Variants in FHOD3 observed in about 807,000 individuals in gnomAD.
FHOD3 encodes FH1/FH2 domain-containing protein 3.
Under a neutral mutation model 173.0 loss-of-function variants are expected in FHOD3, and 90 were observed. The ratio of observed to expected loss-of-function variants is 0.52; its 90% CI spans 0.44 to 0.62. The LOEUF (loss-of-function observed/expected upper bound fraction) is 0.62. Ranked by LOEUF, FHOD3 falls within the 20% of genes least tolerant of loss-of-function variation. FHOD3 has a pLI of 0.00. For missense variants in FHOD3, 1,945 were observed against 2,034.7 expected, an observed-to-expected ratio of 0.96 and a Z score of 0.85; for synonymous variants, 828 against 823.0, an observed-to-expected ratio of 1.01 and a Z score of -0.10.
intron 1 of FHOD3, among the ~76,000 whole-genome samples, chr18:36,312,120 A>C (rs2092272033): frequency 1.3e-5 from 2 of 152,070 alleles, no homozygotes; most frequent in African/African-American, 4.8e-5. Flanking sequence ...CTTGTCTTTA[A>C]ATCTAGTAGA....
intron 10 of FHOD3, among the ~76,000 whole-genome samples, chr18:36,645,775 T>C (rs2035637516): frequency 6.6e-6 from 1 of 152,200 alleles, no homozygotes; most frequent in Non-Finnish European, 1.5e-5. Context: ...TTATTCATGG[T>C]ATGCAAGGTT....
chr18:36,589,789 G>A (rs1199437610), intron 6 of FHOD3, among the ~76,000 whole-genome samples: 1 of 152,038 alleles, frequency 6.6e-6, no homozygotes, highest in East Asian at 1.9e-4. Flanking sequence ...TTGTTGCCCT[G>A]TACTCCTGTG....
chr18:36,666,253 T>C (rs2037173690), intron 14 of FHOD3, among the ~76,000 whole-genome samples: 1 of 152,186 alleles, frequency 6.6e-6, no homozygotes, highest in Non-Finnish European at 1.5e-5. Context: ...GAGACTGAAA[T>C]CCACATCCAG....
chr18:36,461,658 A>G (rs2052566611), intron 3 of FHOD3, among the ~76,000 whole-genome samples: 1 of 152,194 alleles, frequency 6.6e-6, no homozygotes, highest in African/African-American at 2.4e-5. Flanking sequence ...CTGGGAATGC[A>G]TCCAACATAG....
intron 3 of FHOD3, among the ~76,000 whole-genome samples, chr18:36,390,793 C>T (rs1598939072): frequency 6.6e-6 from 1 of 152,142 alleles, no homozygotes; most frequent in Non-Finnish European, 1.5e-5. Flanking sequence ...TGGAGTGATT[C>T]TCCACTCCCT....
intron 19 of FHOD3, among the ~76,000 whole-genome samples, chr18:36,729,107 C>A (rs534584856): frequency 1.3e-5 from 2 of 152,326 alleles, no homozygotes; most frequent in East Asian, 3.9e-4. Context: ...AGGTGAGTTA[C>A]AGTTGCTCTG....
intron 6 of FHOD3, among the ~76,000 whole-genome samples, chr18:36,592,197 C>A (rs906074044): frequency 2.6e-5 from 4 of 152,094 alleles, no homozygotes; most frequent in African/African-American, 9.7e-5. Flanking sequence ...CCAGCCTGGG[C>A]AACAGAACAA....
chr18:36,484,055 C>T (rs1377444334), intron 3 of FHOD3, among the ~76,000 whole-genome samples: 1 of 152,204 alleles, frequency 6.6e-6, no homozygotes, highest in Non-Finnish European at 1.5e-5. Flanking sequence ...TGTCAAGTTC[C>T]CCAGGTGATT....
intron 10 of FHOD3, among the ~76,000 whole-genome samples, chr18:36,643,608 A>G (rs1032204611): frequency 6.6e-6 from 1 of 152,172 alleles, no homozygotes; most frequent in Non-Finnish European, 1.5e-5. Flanking sequence ...CATTCTTTTC[A>G]TCACTTGGTA....
intron 6 of FHOD3, among the ~76,000 whole-genome samples, chr18:36,582,287 A>G (rs1199572396): frequency 6.6e-6 from 1 of 152,154 alleles, no homozygotes; most frequent in Non-Finnish European, 1.5e-5. Flanking sequence ...CTGTTGTGTG[A>G]TCTGCTCAGA....
chr18:36,760,634 G>C lies in FHOD3; in HGVS notation c.4476G>C (p.Pro1492=), dbSNP rs754018496. Residue 1492 remains proline, a synonymous_variant, in exon 27 of 29, where the codon CCG becomes CCC. Coordinates refer to ENST00000590592, the MANE Select transcript of FHOD3 (RefSeq NM_001281740.3). ...CTGGCAAGTTCTCCGGCAGTTCTCC[G>C]GCGCCCCCAAGCCAGCCGCAGGGTC... ...VESGKFSGSS[P]APPSQPQGLS... is the part of the protein sequence containing the mutation. 6.3e-7 allele frequency: 1 copy of C among 1,586,946 alleles called. No homozygotes were observed. The highest frequency in any genetic ancestry group is 8.6e-7 in the Non-Finnish European group (1 of 1,164,462).
At chr18:36,563,866 C>T (rs2058173210) in intron 5 of FHOD3, among the ~76,000 whole-genome samples, 1 of 152,136 alleles carries the variant, frequency 6.6e-6, no homozygotes, top group African/African-American at 2.4e-5. Flanking sequence ...ATCAGCTGCA[C>T]CCTTCTCTGA....
intron 3 of FHOD3, among the ~76,000 whole-genome samples, chr18:36,488,897 T>C (rs1346458249): frequency 6.6e-6 from 1 of 151,986 alleles, no homozygotes; most frequent in African/African-American, 2.4e-5. Context: ...GTGCCATAGA[T>C]GAAGTAGAGA....
chr18:36,679,109 C>A (rs2149383055), intron 14 of FHOD3, among the ~76,000 whole-genome samples: 1 of 151,940 alleles, frequency 6.6e-6, no homozygotes. Context: ...GTTAACAGGG[C>A]TATTCAAAAT....
rs765554637 is a variant in FHOD3, at chr18:36,653,396, C to A, written c.1701C>A (p.Phe567Leu). Residue 567 changes from phenylalanine (F) to leucine (L), a missense_variant, in exon 13 of 29, where the codon TTC becomes TTA. By Grantham distance (22) the Phe-to-Leu change is conservative. Coordinates refer to ENST00000590592, the MANE Select transcript of FHOD3 (RefSeq NM_001281740.3). ...STYSASEPYH[F>L]RSFSSNRYSN... ...ATTCTGCCTCTGAGCCTTACCACTT[C>A]CGATCTTTCTCTTCTAATAGGTGGG... 4.9e-4 allele frequency: 757 copies of A among 1,533,922 alleles called. 1 individual carries two copies. Among genetic ancestry groups the A allele is most frequent in the Admixed American group, 1.6e-3 (82 of 50,928 alleles).
chr18:36,392,828 T>C (rs777051820), intron 3 of FHOD3, among the ~76,000 whole-genome samples: 11 of 152,236 alleles, frequency 7.2e-5, no homozygotes, highest in Non-Finnish European at 1.3e-4. Flanking sequence ...AGGCTTTCAT[T>C]ATAAATATAA....
chr18:36,476,307 A>C (rs1416749017), intron 3 of FHOD3, among the ~76,000 whole-genome samples: 2 of 152,196 alleles, frequency 1.3e-5, no homozygotes, highest in South Asian at 4.1e-4. Flanking sequence ...CATCTTTCCC[A>C]GGGGCATGGA....
intron 3 of FHOD3, among the ~76,000 whole-genome samples, chr18:36,424,056 C>T (rs972956002): frequency 6.6e-6 from 1 of 152,178 alleles, no homozygotes; most frequent in African/African-American, 2.4e-5. Context: ...CACAGCAATA[C>T]ACAAAACACA....
At chr18:36,614,953 C>T (rs112716380) in intron 9 of FHOD3, among the ~76,000 whole-genome samples, 34 of 148,534 alleles carry the variant, frequency 2.3e-4, no homozygotes, top group African/African-American at 6.5e-4. Flanking sequence ...CAGGTTCAAG[C>T]GATTCCCCTG....
Sources: allele counts gnomAD v4.1 joint callset (sites outside exome capture counted in the v4.1 genomes callset), GRCh38; gene constraint gnomAD v4.1.1; transcripts MANE v1.5; gene names NCBI Gene and HGNC (gene_info 2026-07-23, HGNC 2026-07-21).